The following LRP1B variants were observed in gnomAD, a reference collection of about 807,000 sequenced individuals.
LRP1B encodes low-density lipoprotein receptor-related protein 1B.
In LRP1B, 217 loss-of-function variants were observed where a neutral mutation model predicts 556.6. That is an observed-to-expected ratio of 0.39 (90% CI 0.35 to 0.44). The LOEUF is 0.44. Among genes scored for constraint, LRP1B ranks in the 20% least tolerant of loss-of-function variants. The pLI is 1.00. For synonymous variants in LRP1B, 2,047 were observed against 1,865.8 expected, an observed-to-expected ratio of 1.10 and a Z score of -2.50; for missense variants, 5,053 against 5,620.8, an observed-to-expected ratio of 0.90 and a Z score of 3.23.
intron 25 of LRP1B, among the ~76,000 whole-genome samples, chr2:140,879,983 T>G (rs1693424029): frequency 6.6e-6 from 1 of 151,430 alleles, no homozygotes; most frequent in Middle Eastern, 3.2e-3. Flanking sequence ...TTATCTGTAA[T>G]ATTCAGTTCT....
chr2:141,774,031 A>C (rs1348953266), intron 2 of LRP1B, among the ~76,000 whole-genome samples: 2 of 152,228 alleles, frequency 1.3e-5, no homozygotes, highest in Non-Finnish European at 2.9e-5. Context: ...GATGGCTGAC[A>C]TATCAATTTT....
intron 23 of LRP1B, among the ~76,000 whole-genome samples, chr2:140,894,429 A>G (rs1304085444): frequency 6.6e-6 from 1 of 152,112 alleles, no homozygotes; most frequent in African/African-American, 2.4e-5. Context: ...AGAGATCTGA[A>G]TCCAAGAAAC....
At chr2:140,812,169 T>C (rs1483164058) in intron 32 of LRP1B, among the ~76,000 whole-genome samples, 1 of 152,120 alleles carries the variant, frequency 6.6e-6, no homozygotes, top group Non-Finnish European at 1.5e-5. Flanking sequence ...TAGGGAAACG[T>C]AGAGAGTGCT....
intron 1 of LRP1B, among the ~76,000 whole-genome samples, chr2:141,826,354 G>GTTTT (rs70994454): frequency 9.9e-4 from 96 of 97,072 alleles, no homozygotes; most frequent in Middle Eastern, 7.7e-3. Flanking sequence ...CTTTTCAGAA[G>GTTTT]TTTTTTTTTT....
At chr2:141,784,947 C>T (rs775282250) in intron 2 of LRP1B, among the ~76,000 whole-genome samples, 21 of 151,734 alleles carry the variant, frequency 1.4e-4, no homozygotes, top group Admixed American at 8.6e-4. Flanking sequence ...GTCAAGTTAC[C>T]GATAGGTGGA....
intron 1 of LRP1B, among the ~76,000 whole-genome samples, chr2:142,018,172 G>A (rs1703214366): frequency 6.6e-6 from 1 of 152,064 alleles, no homozygotes; most frequent in Non-Finnish European, 1.5e-5. Flanking sequence ...ACAACAAATT[G>A]TTTGTCACTT....
intron 2 of LRP1B, among the ~76,000 whole-genome samples, chr2:141,656,477 G>A (rs973558580): frequency 6.6e-6 from 1 of 152,096 alleles, no homozygotes; most frequent in African/African-American, 2.4e-5. Context: ...TGAATATCAG[G>A]TTATGATATT....
At chr2:141,695,270 T>C (rs1691695946) in intron 2 of LRP1B, among the ~76,000 whole-genome samples, 1 of 152,000 alleles carries the variant, frequency 6.6e-6, no homozygotes, top group African/African-American at 2.4e-5. Context: ...TTCTGATGCC[T>C]CCTGGGGCAA....
intron 86 of LRP1B, 95 bp from the exon 87 acceptor site, chr2:140,247,257 G>T (rs898027119): frequency 1.4e-5 from 11 of 784,184 alleles, no homozygotes; most frequent in Admixed American, 1.9e-5. Context: ...AAAGGTTACA[G>T]GAGCCAGTCA....
At chr2:142,115,015 C>T (rs1452422916) in intron 1 of LRP1B, among the ~76,000 whole-genome samples, 2 of 151,986 alleles carry the variant, frequency 1.3e-5, no homozygotes, top group African/African-American at 4.8e-5. Flanking sequence ...TAAATATGTA[C>T]AGCTTCTATG....
At chr2:141,255,776 C>G (rs1684438890) in intron 3 of LRP1B, among the ~76,000 whole-genome samples, 1 of 151,784 alleles carries the variant, frequency 6.6e-6, no homozygotes, top group South Asian at 2.1e-4. Flanking sequence ...ACTGCTTCTC[C>G]TTGGATTTCA....
At chr2:141,229,110 T>G in intron 6 of LRP1B, 73 bp downstream of exon 6, 1 of 1,491,380 alleles carries the variant, frequency 6.7e-7, no homozygotes, top group African/African-American at 1.4e-5. Flanking sequence ...GCTAGAAATT[T>G]GAGAATCCAG....
intron 45 of LRP1B, among the ~76,000 whole-genome samples, chr2:140,540,484 G>A (rs955196972): frequency 6.6e-6 from 1 of 152,052 alleles, no homozygotes; most frequent in Admixed American, 6.6e-5. Context: ...ACCATGCAAG[G>A]CTGCAATGTT....
chr2:141,184,006 T>C (rs1681125068), intron 7 of LRP1B, among the ~76,000 whole-genome samples: 1 of 152,044 alleles, frequency 6.6e-6, no homozygotes, highest in African/African-American at 2.4e-5. Flanking sequence ...GATTTTACTT[T>C]AATAGAAAAC....
chr2:140,700,627 G>A lies in LRP1B; in HGVS notation c.6428-6C>T, dbSNP rs2105422272. The stretch of plus-strand genomic sequence containing the variant: ...CCTGGCACAAACATTGGTCCCTAAT[G>A]AAGAAAAATGATACACACATGCACA... On this transcript the variant is annotated splice_region_variant and splice_polypyrimidine_tract_variant and intron_variant, in intron 40 of 90. Transcript: ENST00000389484. 1 of 1,612,844 alleles carries A rather than the reference G, an allele frequency of 6.2e-7. No homozygotes were observed. Among genetic ancestry groups the A allele is most frequent in the Non-Finnish European group, 8.5e-7 (1 of 1,179,276 alleles).
intron 1 of LRP1B, among the ~76,000 whole-genome samples, chr2:141,923,575 A>T (rs1700256720): frequency 6.7e-6 from 1 of 149,362 alleles, no homozygotes; most frequent in African/African-American, 2.5e-5. Flanking sequence ...GCAAATTTCC[A>T]GTTGCCCTAT....
chr2:140,711,569 T>C (rs1385807256), intron 37 of LRP1B, among the ~76,000 whole-genome samples: 1 of 140,580 alleles, frequency 7.1e-6, no homozygotes, highest in African/African-American at 2.5e-5. Flanking sequence ...TTTTCTTTTC[T>C]TTACTACCCG....
chr2:141,844,269 G>C (rs1697570316), intron 1 of LRP1B, among the ~76,000 whole-genome samples: 1 of 152,098 alleles, frequency 6.6e-6, no homozygotes, highest in Non-Finnish European at 1.5e-5. Flanking sequence ...TGCCTACCCA[G>C]AGTGGGTAAA....
intron 24 of LRP1B, among the ~76,000 whole-genome samples, chr2:140,885,765 T>C (rs546915754): frequency 1.3e-5 from 2 of 149,442 alleles, no homozygotes; most frequent in East Asian, 3.9e-4. Context: ...CTTTCTTCAT[T>C]TTTTTGAATT....
Sources: gnomAD v4.1 joint callset for allele counts (sites outside exome capture counted in the v4.1 genomes callset) on GRCh38, gnomAD v4.1.1 for gene constraint, MANE v1.5 for transcripts, NCBI Gene and HGNC (gene_info 2026-07-23, HGNC 2026-07-21) for gene names.